Variants in DNAH5 observed in about 807,000 individuals in gnomAD.
DNAH5 encodes the protein axonemal beta dynein heavy chain 5.
In DNAH5, 372 loss-of-function variants were observed where a neutral mutation model predicts 518.2. That is an observed-to-expected ratio of 0.72 (90% CI 0.66 to 0.78). The LOEUF is 0.78. DNAH5 is among the 30% of genes least tolerant of loss of function. DNAH5 has a pLI of 0.00. For missense variants in DNAH5, 5,523 were observed against 5,687.0 expected (o/e 0.97, Z 0.93); for synonymous variants, 2,039 against 2,025.9 (o/e 1.01, Z -0.17).
At chr5:13,706,078 C>T (rs1461037378) in intron 76 of DNAH5, among the ~76,000 whole-genome samples, 1 of 152,236 alleles carries the variant, frequency 6.6e-6, no homozygotes, top group Non-Finnish European at 1.5e-5. Flanking sequence ...ACCACACCTG[C>T]CACTGCACTC....
chr5:13,702,633 A>G (rs904388828), intron 76 of DNAH5, among the ~76,000 whole-genome samples: 1 of 151,728 alleles, frequency 6.6e-6, no homozygotes, highest in Non-Finnish European at 1.5e-5. Context: ...ATTCAGATAC[A>G]AAACTCTCTG....
At chr5:13,950,934 G>A (rs1238507369) in intron 1 of DNAH5, among the ~76,000 whole-genome samples, 1 of 152,128 alleles carries the variant, frequency 6.6e-6, no homozygotes, top group Non-Finnish European at 1.5e-5. Flanking sequence ...ATAACCCCAT[G>A]CCTTAATTAC....
At chr5:13,704,725 A>G (rs918540406) in intron 76 of DNAH5, among the ~76,000 whole-genome samples, 1 of 152,082 alleles carries the variant, frequency 6.6e-6, no homozygotes, top group Non-Finnish European at 1.5e-5. Flanking sequence ...TCATCCATAA[A>G]TTTTGTCCCA....
At chr5:13,845,211 GGT>G (rs1460912547) in intron 31 of DNAH5, among the ~76,000 whole-genome samples, 1 of 151,946 alleles carries the variant, frequency 6.6e-6, no homozygotes, top group East Asian at 1.9e-4. Context: ...TCCCAAAATT[GGT>G]GGCAGAATTC....
rs759602112 is a variant in DNAH5, at chr5:13,766,190, A to C, written c.9898-11T>G. 1.8e-5 allele frequency: 29 copies of C among 1,613,786 alleles called. 1 individual carries two copies. The Admixed American group carries it at 4.7e-4, about 26-fold the overall frequency. On this transcript the variant is annotated splice_polypyrimidine_tract_variant and intron_variant, in intron 58 of 78. Transcript: ENST00000265104. Reference sequence around the variant, plus strand: ...CGAAGGCCTGATGGTCTGGGGGATGAAAGGAACGATCACCCAACCACAGAT... The same window carrying C: ...CGAAGGCCTGATGGTCTGGGGGATGCAAGGAACGATCACCCAACCACAGAT...
chr5:13,985,537 A>C (rs74933966), intron 1 of DNAH5, among the ~76,000 whole-genome samples: 5,524 of 150,858 alleles, frequency 0.037, 117 homozygotes, highest in South Asian at 0.048. Flanking sequence ...ACTGCATTTG[A>C]CTTGATTTCA....
chr5:13,879,788 G>T (rs1241318413), intron 21 of DNAH5, among the ~76,000 whole-genome samples: 2 of 151,924 alleles, frequency 1.3e-5, no homozygotes, highest in East Asian at 1.9e-4. Flanking sequence ...GAATGAAAAA[G>T]AATGAAGATA....
intron 32 of DNAH5, among the ~76,000 whole-genome samples, chr5:13,843,425 A>C (rs750736464): frequency 6.6e-6 from 1 of 152,110 alleles, no homozygotes; most frequent in Non-Finnish European, 1.5e-5. Flanking sequence ...CTCTTTGCTC[A>C]TGGCTCCCTG....
At chr5:13,990,508 G>A (rs1041692384) in intron 1 of DNAH5, among the ~76,000 whole-genome samples, 3 of 151,970 alleles carry the variant, frequency 2.0e-5, no homozygotes, top group African/African-American at 4.8e-5. Context: ...AGCCGAGATC[G>A]CACCACTGCA....
intron 78 of DNAH5, among the ~76,000 whole-genome samples, chr5:13,692,557 C>A (rs930010680): frequency 1.3e-5 from 2 of 152,186 alleles, no homozygotes; most frequent in Admixed American, 1.3e-4. Context: ...AAATCTTCAA[C>A]CCTGCAGGCC....
intron 1 of DNAH5, among the ~76,000 whole-genome samples, chr5:13,988,696 A>G (rs1783245035): frequency 6.7e-6 from 1 of 149,840 alleles, no homozygotes; most frequent in Non-Finnish European, 1.5e-5. Context: ...TGCTGGGATT[A>G]CAGGCATGAG....
At chr5:13,862,450 C>T (rs1038705016) in intron 29 of DNAH5, 98 bp downstream of exon 29, 1 of 1,167,166 alleles carries the variant, frequency 8.6e-7, no homozygotes, top group Non-Finnish European at 1.3e-6. Flanking sequence ...ATTGAGTAAA[C>T]TATATGAAGG....
At chr5:13,822,251 ATTTG>A (rs374064072) in intron 40 of DNAH5, among the ~76,000 whole-genome samples, 33 of 138,896 alleles carry the variant, frequency 2.4e-4, no homozygotes, top group African/African-American at 8.6e-4. Flanking sequence ...TTTTTTTTTC[ATTTG>A]TTTGTTTGTT....
intron 31 of DNAH5, among the ~76,000 whole-genome samples, 196 bp from the exon 32 acceptor site, chr5:13,845,189 G>A (rs1352124582): frequency 2.0e-5 from 3 of 152,050 alleles, no homozygotes; most frequent in Non-Finnish European, 1.5e-5. Context: ...TTCTGATGGA[G>A]AAATAATTTT....
chr5:13,810,856 T>C (rs1313320397), intron 44 of DNAH5, among the ~76,000 whole-genome samples: 4 of 151,462 alleles, frequency 2.6e-5, no homozygotes, highest in African/African-American at 9.7e-5. Context: ...GATGAATGGA[T>C]AAAGAAAAGT....
intron 65 of DNAH5, among the ~76,000 whole-genome samples, chr5:13,739,758 T>A (rs952062): frequency 0.13 from 20,220 of 152,220 alleles, 1,497 homozygotes; most frequent in African/African-American, 0.17. Context: ...AAACCGTCAC[T>A]GTTAACCATT....
intron 71 of DNAH5, among the ~76,000 whole-genome samples, chr5:13,720,449 C>T (rs1028618756): frequency 2.6e-5 from 4 of 152,196 alleles, no homozygotes; most frequent in Non-Finnish European, 4.4e-5. Context: ...CCAGGCTGGA[C>T]TGCAGTGACT....
At position 13,976,538 on chromosome 5, in the gene DNAH5, A is replaced by T. The variant is rs1368106841; in HGVS notation, c.12+35110T>A. ...AGCATAACACAATAAGATGTCTTGA[A>T]AGAGGGAGGCCACACTTAACTTTTA... is the stretch of plus-strand genomic sequence containing the variant. On this transcript the variant is annotated intron_variant, in intron 1 of 78. Coordinates refer to the DNAH5 transcript ENST00000681290. Among the ~76,000 whole-genome samples the T allele has an allele frequency of 2.0e-5, 3 of 152,272 alleles. No homozygotes were observed. In the East Asian group the frequency reaches 5.8e-4, roughly 29 times the overall value.
At chr5:13,947,167 TAA>T (rs1344777804), upstream of DNAH5, among the ~76,000 whole-genome samples, 2 of 152,242 alleles carry the variant, frequency 1.3e-5, no homozygotes, top group African/African-American at 2.4e-5. Context: ...CAAATTTTGA[TAA>T]GTGTCATTTT....
Sources: gnomAD v4.1 joint callset for allele counts (sites outside exome capture counted in the v4.1 genomes callset) on GRCh38, gnomAD v4.1.1 for gene constraint, MANE v1.5 for transcripts, NCBI Gene and HGNC (gene_info 2026-07-23, HGNC 2026-07-21) for gene names.